NLRP13: variants seen among roughly 807,000 people sequenced by gnomAD.
The protein encoded by NLRP13 is NLR family pyrin domain containing 13.
In NLRP13, 82 loss-of-function variants were observed where a neutral mutation model predicts 94.4. The observed-to-expected ratio is 0.87, with a 90% confidence interval of 0.73 to 1.04. The LOEUF (loss-of-function observed/expected upper bound fraction) is 1.04. Ranked by LOEUF, NLRP13 falls within the 50% of genes least tolerant of loss-of-function variation. The pLI is 0.00. For missense variants in NLRP13, 1,426 were observed against 1,230.8 expected (o/e 1.16, Z -2.37); for synonymous variants, 553 against 464.7 (o/e 1.19, Z -2.45).
At chr19:55,931,720 A>T (rs923849328) in intron 1 of NLRP13, among the ~76,000 whole-genome samples, 1 of 130,916 alleles carries the variant, frequency 7.6e-6, no homozygotes, top group Non-Finnish European at 1.6e-5. Context: ...AAAAAAAAAA[A>T]AAAAAGAAAG....
At chr19:55,895,827 C>T (rs1022145245), downstream of NLRP13, 14 of 1,124,636 alleles carry the variant, frequency 1.2e-5, no homozygotes, top group African/African-American at 7.8e-5. Flanking sequence ...CTGGAAGTTC[C>T]GTTGGCCTGC....
chr19:55,903,337 T>C (rs1986243297), intron 8 of NLRP13, among the ~76,000 whole-genome samples: 1 of 152,122 alleles, frequency 6.6e-6, no homozygotes, highest in Non-Finnish European at 1.5e-5. Context: ...GATAATCAAC[T>C]TGGTGACACC....
At chr19:55,931,345 A>T (rs1987128049) in intron 1 of NLRP13, among the ~76,000 whole-genome samples, 1 of 152,058 alleles carries the variant, frequency 6.6e-6, no homozygotes, top group African/African-American at 2.4e-5. Context: ...TGCATAAGCT[A>T]ACATGAAATC....
rs752747503 is a variant in NLRP13 at position 55,898,751 on chromosome 19, G to A, written c.2957+19C>T. 1 of 1,584,090 alleles carries A rather than the reference G, an allele frequency of 6.3e-7. No homozygotes were observed. Among genetic ancestry groups the A allele is most frequent in the South Asian group, 1.2e-5 (1 of 85,362 alleles). ...GAGTAGAGAAGGAAGACTCTGCAAG[G>A]AGAACAGCATCAACTCACCCAAGTG... On this transcript the variant is annotated intron_variant, in intron 10 of 10. Coordinates refer to ENST00000342929, the MANE Select transcript of NLRP13 (RefSeq NM_176810.2).
At chr19:55,924,930 CA>C in intron 2 of NLRP13, 36 bp downstream of exon 2, 1 of 1,556,048 alleles carries the variant, frequency 6.4e-7, no homozygotes, top group African/African-American at 1.4e-5. Context: ...CTCCATCAAG[CA>C]ACCTGTCCAT....
chr19:55,931,171 G>A (rs1022040615), intron 1 of NLRP13, among the ~76,000 whole-genome samples: 1 of 152,014 alleles, frequency 6.6e-6, no homozygotes, highest in African/African-American at 2.4e-5. Flanking sequence ...AGTGTAGAAT[G>A]GGCAAGGCTC....
intron 6 of NLRP13, among the ~76,000 whole-genome samples, chr19:55,908,446 G>T (rs916031078): frequency 1.3e-5 from 2 of 152,098 alleles, no homozygotes; most frequent in Non-Finnish European, 2.9e-5. Context: ...AACGTAAATC[G>T]TTCTATTATA....
chr19:55,916,832 G>T (rs530083112), intron 4 of NLRP13, among the ~76,000 whole-genome samples: 1 of 152,118 alleles, frequency 6.6e-6, no homozygotes, highest in South Asian at 2.1e-4. Context: ...ACTCTGGCAA[G>T]AGATCCAGGC....
intron 1 of NLRP13, among the ~76,000 whole-genome samples, chr19:55,926,772 G>C (rs1309995062): frequency 6.6e-6 from 1 of 152,080 alleles, no homozygotes; most frequent in Admixed American, 6.6e-5. Context: ...ATGCTTTACT[G>C]GGAAATGATT....
intron 4 of NLRP13, among the ~76,000 whole-genome samples, chr19:55,921,475 G>T (rs1042094726): frequency 6.6e-6 from 1 of 152,148 alleles, no homozygotes; most frequent in African/African-American, 2.4e-5. Flanking sequence ...TTGTGGATAT[G>T]CACATATGAT....
chr19:55,930,293 T>G (rs139380296), intron 1 of NLRP13, among the ~76,000 whole-genome samples: 105 of 152,332 alleles, frequency 6.9e-4, no homozygotes, highest in Non-Finnish European at 1.3e-3. Context: ...AAGCTGTCTG[T>G]GCCTCAGTTT....
intron 4 of NLRP13, among the ~76,000 whole-genome samples, chr19:55,922,988 C>T (rs763819151): frequency 6.6e-6 from 1 of 152,200 alleles, no homozygotes; most frequent in Non-Finnish European, 1.5e-5. Context: ...CTTTGCATTA[C>T]AAGCTCTATG....
chr19:55,910,211 G>A (rs1018818646), intron 6 of NLRP13, among the ~76,000 whole-genome samples: 1 of 152,138 alleles, frequency 6.6e-6, no homozygotes, highest in South Asian at 2.1e-4. Context: ...CTTAAGACAC[G>A]AAGCAGTCTC....
chr19:55,931,291 C>T (rs2840020), intron 1 of NLRP13, among the ~76,000 whole-genome samples: 27,955 of 151,706 alleles, frequency 0.18, 2,786 homozygotes, highest in African/African-American at 0.26. Context: ...GGGGGCAGGG[C>T]GGGGGTTGTT....
At chr19:55,892,384 CACATACACACACACATATTCATAT>C (rs1042955453), downstream of NLRP13, among the ~76,000 whole-genome samples, 2 of 52,734 alleles carry the variant, frequency 3.8e-5, no homozygotes, top group Non-Finnish European at 7.9e-5. Context: ...TATATACACA[CACATACACACACACATATTCATAT>C]ACATACACAC....
chr19:55,895,208 AAAAAG>A (rs1235453781), downstream of NLRP13, among the ~76,000 whole-genome samples: 2 of 150,292 alleles, frequency 1.3e-5, no homozygotes, highest in African/African-American at 4.9e-5. Context: ...TAAAAAAAAA[AAAAAG>A]AAAGAAAAGA....
intron 4 of NLRP13, among the ~76,000 whole-genome samples, chr19:55,920,754 ATCTAT>A (rs1287261094): frequency 2.0e-5 from 3 of 151,920 alleles, no homozygotes; most frequent in African/African-American, 7.3e-5. Flanking sequence ...ACTATTGGGT[ATCTAT>A]TCTAAGAAAA....
chr19:55,931,955 C>A (rs757465504), intron 1 of NLRP13, 38 bp downstream of exon 1: 2 of 1,596,144 alleles, frequency 1.3e-6, no homozygotes, highest in South Asian at 1.1e-5. Flanking sequence ...TCAGGAGTAC[C>A]AAGCAGCCCT....
chr19:55,903,787 T>C (rs764083718), intron 8 of NLRP13, among the ~76,000 whole-genome samples: 1 of 152,030 alleles, frequency 6.6e-6, no homozygotes. Context: ...TTCCGATCTA[T>C]CCTGAAATCC....
Sources: allele counts gnomAD v4.1 joint callset (sites outside exome capture counted in the v4.1 genomes callset), GRCh38; gene constraint gnomAD v4.1.1; transcripts MANE v1.5; gene names NCBI Gene and HGNC (gene_info 2026-07-23, HGNC 2026-07-21).